The following LIN7A variants were observed in gnomAD, a reference collection of about 807,000 sequenced individuals.
LIN7A encodes lin-7 cell polarity scaffold A, also known as protein lin-7 homolog A.
A neutral mutation model predicts 29.8 loss-of-function variants in LIN7A; 25 were observed. The observed-to-expected ratio is 0.84, with a 90% CI of 0.61 to 1.17. The LOEUF is 1.17. LIN7A is among the 50% of genes most tolerant of loss of function. The pLI is 0.00. For missense variants in LIN7A, 239 were observed against 287.0 expected, an observed-to-expected ratio of 0.83 and a Z score of 1.21; for synonymous variants, 118 against 107.5, an observed-to-expected ratio of 1.10 and a Z score of -0.60.
At chr12:80,809,482 G>A (rs992261792) in intron 5 of LIN7A, among the ~76,000 whole-genome samples, 1 of 152,130 alleles carries the variant, frequency 6.6e-6, no homozygotes, top group Non-Finnish European at 1.5e-5. Context: ...TTCTCCAAAG[G>A]ATAGCAAGGA....
chr12:80,859,896 A>G (rs1349296934), intron 2 of LIN7A, among the ~76,000 whole-genome samples: 1 of 152,198 alleles, frequency 6.6e-6, no homozygotes, highest in Non-Finnish European at 1.5e-5. Flanking sequence ...CAATCATTAC[A>G]TACTTTTTAT....
chr12:80,889,217 G>T, intron 2 of LIN7A, 34 bp downstream of exon 2: 1 of 1,103,808 alleles, frequency 9.1e-7, no homozygotes, highest in Non-Finnish European at 1.4e-6. Flanking sequence ...AAGACATATG[G>T]CTGAATTTAG....
chr12:80,902,217 G>GGTTTTTTTTTTTTTTTTT (rs1876251078), intron 1 of LIN7A, among the ~76,000 whole-genome samples: 1 of 125,644 alleles, frequency 8.0e-6, no homozygotes, highest in African/African-American at 3.1e-5. Context: ...TGGTCTATGT[G>GGTTTTTTTTTTTTTTTTT]TTTTTTTTTT....
chr12:80,862,682 G>C (rs1873937376), intron 2 of LIN7A, among the ~76,000 whole-genome samples: 1 of 152,144 alleles, frequency 6.6e-6, no homozygotes, highest in Admixed American at 6.5e-5. Flanking sequence ...ACTATGATGA[G>C]GGGCCATTTG....
intron 5 of LIN7A, among the ~76,000 whole-genome samples, chr12:80,807,083 T>TTTTTTTTTTTTTTTG (rs1555221413): frequency 7.3e-6 from 1 of 137,206 alleles, no homozygotes; most frequent in African/African-American, 2.7e-5. Flanking sequence ...TTTTTTTTTT[T>TTTTTTTTTTTTTTTG]TTTTTTTTGA....
rs79919291 is a variant in LIN7A, at chr12:80,845,942, G to GAA, written c.274-5_274-4dup. 1,932 of 1,372,518 alleles carry GAA rather than the reference G, an allele frequency of 1.4e-3. No individual in the cohort carries two copies. Among genetic ancestry groups the GAA allele is most frequent in the South Asian group, 3.7e-3 (258 of 70,672 alleles). The allele number at this position is 1,372,518 out of a possible 1,614,324, so 85.0% of individuals were successfully genotyped here. On this transcript the variant is annotated splice_region_variant and splice_polypyrimidine_tract_variant and intron_variant, in intron 3 of 5. Transcript: ENST00000552864. ...GCTGCAAAAGCTGCAACTGTTGCCT[G>GAA]AAAAAAAAAAAAAAAGATGGTCTTT... is the stretch of plus-strand genomic sequence containing the variant.
intron 1 of LIN7A, among the ~76,000 whole-genome samples, chr12:80,911,644 G>A (rs1471735055): frequency 6.6e-6 from 1 of 152,036 alleles, no homozygotes; most frequent in Admixed American, 6.6e-5. Context: ...GGATCTAATT[G>A]ACTCAAAATA....
chr12:80,906,755 C>T (rs931951744), intron 1 of LIN7A, among the ~76,000 whole-genome samples: 5 of 151,982 alleles, frequency 3.3e-5, no homozygotes, highest in South Asian at 2.1e-4. Flanking sequence ...TATCTGTAAA[C>T]GAAACCCCAA....
chr12:80,822,679 TGGGTG>T (rs149401483), intron 4 of LIN7A, among the ~76,000 whole-genome samples: 2,682 of 152,246 alleles, frequency 0.018, 64 homozygotes, highest in African/African-American at 0.061. Flanking sequence ...AGATGAGATT[TGGGTG>T]GGGACACAGT....
intron 4 of LIN7A, among the ~76,000 whole-genome samples, chr12:80,824,968 C>T (rs1469572274): frequency 2.0e-5 from 3 of 152,154 alleles, no homozygotes. Context: ...CAAGGATGCC[C>T]ACTTTCAGCA....
At chr12:80,805,379 G>T (rs1870926661) in intron 5 of LIN7A, among the ~76,000 whole-genome samples, 1 of 152,074 alleles carries the variant, frequency 6.6e-6, no homozygotes, top group Admixed American at 6.6e-5. Context: ...GGGTTTTAAA[G>T]GTAGGCAAAA....
intron 2 of LIN7A, among the ~76,000 whole-genome samples, chr12:80,849,090 T>C (rs1265485871): frequency 2.6e-5 from 4 of 152,154 alleles, no homozygotes; most frequent in African/African-American, 9.7e-5. Flanking sequence ...TAGAAGGAAA[T>C]TGACAAAGTA....
At chr12:80,923,339 T>C (rs1565930855) in intron 1 of LIN7A, among the ~76,000 whole-genome samples, 1 of 152,050 alleles carries the variant, frequency 6.6e-6, no homozygotes, top group African/African-American at 2.4e-5. Flanking sequence ...GCCTCCATAA[T>C]TGTGTGAGCC....
At chr12:80,844,922 T>C (rs1339502575) in intron 4 of LIN7A, among the ~76,000 whole-genome samples, 1 of 152,162 alleles carries the variant, frequency 6.6e-6, no homozygotes, top group Non-Finnish European at 1.5e-5. Flanking sequence ...GTTTTTATTA[T>C]ACTATAGCTG....
chr12:80,833,755 A>T (rs1473727366), intron 4 of LIN7A, among the ~76,000 whole-genome samples: 1 of 152,198 alleles, frequency 6.6e-6, no homozygotes, highest in Non-Finnish European at 1.5e-5. Context: ...TCATTCTAAC[A>T]TTCCATAGAT....
intron 2 of LIN7A, among the ~76,000 whole-genome samples, chr12:80,884,083 CA>C (rs1296397083): frequency 1.3e-5 from 2 of 152,098 alleles, no homozygotes; most frequent in Non-Finnish European, 2.9e-5. Flanking sequence ...AATCAAGAAG[CA>C]AATAAAATTT....
At position 80,921,323 on chromosome 12, in the gene LIN7A, A is replaced by G. The variant is rs182730220; in HGVS notation, c.82+16318T>C. Among the ~76,000 whole-genome samples, 123 of 151,870 alleles carry G rather than the reference A, an allele frequency of 8.1e-4. 1 individual carries two copies. The highest frequency in any genetic ancestry group is 2.0e-3 in the Admixed American group (30 of 15,268). On this transcript the variant is annotated intron_variant, in intron 1 of 5. Transcript: ENST00000552864. ...TAAGTGACCTAGTCTATGGTATTTTATTATAGCAGCCCAAATAGACTAAAG... is the reference window on the plus strand; with the variant it reads ...TAAGTGACCTAGTCTATGGTATTTTGTTATAGCAGCCCAAATAGACTAAAG...
chr12:80,868,842 G>A (rs997272172), intron 2 of LIN7A, among the ~76,000 whole-genome samples: 2 of 152,184 alleles, frequency 1.3e-5, no homozygotes, highest in African/African-American at 4.8e-5. Flanking sequence ...TTCAGGTGGG[G>A]GGGCCCATAT....
chr12:80,903,624 G>A (rs1876332784), intron 1 of LIN7A, among the ~76,000 whole-genome samples: 3 of 151,728 alleles, frequency 2.0e-5, no homozygotes, highest in African/African-American at 7.3e-5. Context: ...GTTGATCTTT[G>A]CTATTGTGTG....
Sources: gnomAD v4.1 joint callset for allele counts (sites outside exome capture counted in the v4.1 genomes callset) on GRCh38, gnomAD v4.1.1 for gene constraint, MANE v1.5 for transcripts, NCBI Gene and HGNC (gene_info 2026-07-23, HGNC 2026-07-21) for gene names.